SCNN1A: variants seen among roughly 807,000 people sequenced by gnomAD.
The protein encoded by SCNN1A is sodium channel epithelial 1 subunit alpha.
SCNN1A carries 65 observed loss-of-function variants against 68.6 expected under a neutral mutation model. The ratio of observed to expected loss-of-function variants is 0.95; its 90% CI spans 0.78 to 1.16. SCNN1A has a LOEUF of 1.16. Ranked by LOEUF, SCNN1A falls within the 50% of genes most tolerant of loss-of-function variation. The pLI, the probability that SCNN1A is intolerant of heterozygous loss-of-function variation, is 0.00. For synonymous variants in SCNN1A, 357 were observed against 353.3 expected, an observed-to-expected ratio of 1.01 and a Z score of -0.12; for missense variants, 880 against 865.9, an observed-to-expected ratio of 1.02 and a Z score of -0.20.
chr12:6,356,020 C>G (rs1948491285), intron 4 of SCNN1A, 140 bp from the exon 5 acceptor site: 8 of 743,860 alleles, frequency 1.1e-5, no homozygotes, highest in African/African-American at 6.8e-5. Context: ...TTCCTGATCA[C>G]CTACTATGTG....
At chr12:6,375,689 G>A (rs142967664), upstream of SCNN1A, 139 of 1,445,530 alleles carry the variant, frequency 9.6e-5, no homozygotes, top group East Asian at 3.4e-3. Context: ...TGGGAGTACT[G>A]GACCTGAGAA....
chr12:6,348,739 A>G lies in SCNN1A; in HGVS notation c.1617T>C (p.Ser539=), dbSNP rs1208141958. The change falls in exon 12 of 13, where the codon TCT becomes TCC. Residue 539 remains serine (S), a synonymous_variant. Coordinates refer to ENST00000228916, the MANE Select transcript of SCNN1A (RefSeq NM_001038.6). ...AGGCACGACCTACCGTGACAGAGGG[A>G]GACTCAGAATTGGTTTTGTAGTTCA... ...KELNYKTNSE[S]PSVTMVTLLS... 1 of 1,612,750 alleles carries G rather than the reference A, an allele frequency of 6.2e-7. No homozygotes were observed.
In SCNN1A at chr12:6,363,502, T is replaced by G. The variant is rs769902968; in HGVS notation, c.625A>C (p.Ser209Arg). 1.2e-6 allele frequency: 2 copies of G among 1,608,382 alleles called. No homozygotes were observed. The highest frequency in any genetic ancestry group is 2.2e-5 in the South Asian group (2 of 90,474). Residue 209 changes from serine (S) to arginine (R), a missense_variant, in exon 3 of 13, where the codon AGC becomes CGC. Physicochemically the swap from Ser to Arg is moderately radical, Grantham distance 110 (BLOSUM62 -1). This residue lies in a region of SCNN1A where 758 missense variants were observed against 721.8 expected (regional missense o/e 1.05). Coordinates refer to ENST00000228916, the MANE Select transcript of SCNN1A (RefSeq NM_001038.6). ...ACCTGGGGGTTGTTGTCCCGCAAGC[T>G]GGAGGCCACGCTACGGGCTCGACGG... ...GARRARSVAS[S>R]LRDNNPQVDW...
chr12:6,355,304 G>C lies in SCNN1A; in HGVS notation c.1111C>G (p.Pro371Ala), dbSNP rs929395353. ...ATGCTGATGGAGGTCTCCACGCCAG[G>C]CCGCAAGTTAAAGCCACCATCATCC... ...FMDDGGFNLR[P>A]GVETSISMRK... Residue 371 changes from proline to alanine, a missense_variant, in exon 6 of 13, where the codon CCT (proline) becomes GCT (alanine). By Grantham distance (27) the Pro-to-Ala change is conservative. Coordinates refer to ENST00000228916, the MANE Select transcript of SCNN1A (RefSeq NM_001038.6). The C allele has an allele frequency of 1.9e-6, 3 of 1,613,494 alleles. No individual in the cohort carries two copies. Among genetic ancestry groups the C allele is most frequent in the Non-Finnish European group, 2.5e-6 (3 of 1,179,814 alleles).
intron 4 of SCNN1A, among the ~76,000 whole-genome samples, chr12:6,360,211 G>A (rs1435022618): frequency 4.6e-5 from 7 of 152,216 alleles, no homozygotes; most frequent in African/African-American, 1.7e-4. Context: ...GCAAAAGAAC[G>A]CAGTAGGGTG....
Position 6,355,853 on chromosome 12 carries a change from C to T in SCNN1A, c.903G>A (p.Met301Ile), listed in dbSNP as rs750994375. The change falls in exon 5 of 13, where the codon ATG (methionine) becomes ATA (isoleucine). Residue 301 changes from methionine (M) to isoleucine (I), a missense_variant. By Grantham distance (10) the Met-to-Ile change is conservative. Transcript: ENST00000228916. ...QANYSHFHHP[M>I]YGNCYTFNDK... ...CATTGAAAGTATAGCAGTTTCCATA[C>T]ATCGGGTGGTGGAAGTGAGAGTAAT... 3 of 1,612,720 alleles carry T rather than the reference C, an allele frequency of 1.9e-6. No individual in the cohort carries two copies. Among genetic ancestry groups the T allele is most frequent in the Non-Finnish European group, 1.7e-6 (2 of 1,178,722 alleles).
In SCNN1A at chr12:6,347,964, G is replaced by C. The variant is rs1231728526; in HGVS notation, c.1919C>G (p.Pro640Arg). 1.3e-6 allele frequency: 2 copies of C among 1,565,754 alleles called. No homozygotes were observed. Among genetic ancestry groups the C allele is most frequent in the Non-Finnish European group, 1.7e-6 (2 of 1,150,894 alleles). Residue 640 changes from proline (P) to arginine (R), a missense_variant, in exon 13 of 13, where the codon CCT becomes CGT. By Grantham distance (103) the Pro-to-Arg change is moderately radical. Around this residue, in one of 3 missense-constraint regions of SCNN1A, gnomAD observed 758 missense variants for 721.8 expected, o/e 1.05. Transcript: ENST00000228916. ...GPAPSPALTA[P>R]PPAYATLGPR... ...GCCCAGGGTGGCATAGGCAGGGGGA[G>C]GGGCTGTCAAGGCTGGAGAGGGAGC...
chr12:6,367,386 G>A (rs974034929), intron 2 of SCNN1A, among the ~76,000 whole-genome samples: 1 of 152,230 alleles, frequency 6.6e-6, no homozygotes, highest in African/African-American at 2.4e-5. Flanking sequence ...CTTGAGCAAA[G>A]AACGATGCTC....
At chr12:6,354,369 T>G (rs1948455169) in intron 8 of SCNN1A, 69 bp downstream of exon 8, 1 of 988,364 alleles carries the variant, frequency 1.0e-6, no homozygotes, top group Non-Finnish European at 1.6e-6. Flanking sequence ...AACAGGGGAC[T>G]GAGAGGAAAA....
upstream of SCNN1A, chr12:6,376,170 C>T (rs962174716): frequency 5.9e-5 from 58 of 985,684 alleles, no homozygotes; most frequent in Non-Finnish European, 6.7e-5. Flanking sequence ...GTCTCCTCCC[C>T]GCTCACTAAG....
chr12:6,354,728 A>G lies in SCNN1A; in HGVS notation c.1242+22T>C, dbSNP rs751555996. On this transcript the variant is annotated intron_variant, in intron 7 of 12. Coordinates refer to ENST00000228916, the MANE Select transcript of SCNN1A (RefSeq NM_001038.6). ...AGGGCAGTGGCTGGGAGTGGCTGCCACGGAATCAGGTTGGGCCTCACCTGC... is the reference window on the plus strand; with the variant it reads ...AGGGCAGTGGCTGGGAGTGGCTGCCGCGGAATCAGGTTGGGCCTCACCTGC... 4.4e-6 allele frequency: 7 copies of G among 1,601,496 alleles called. No individual in the cohort carries two copies. The East Asian group carries it at 1.6e-4, about 36-fold the overall frequency.
Position 6,362,051 on chromosome 12 carries a change from G to A in SCNN1A, c.875C>T (p.Ala292Val), listed in dbSNP as rs778088118. 9 of 1,614,164 alleles carry A rather than the reference G, an allele frequency of 5.6e-6. No individual in the cohort carries two copies. In the East Asian group the frequency reaches 6.7e-5, roughly 12 times the overall value. ...AAGGAGCCAGGCAGGACTGACTCACGCCTGGTTGCAGGAGACCTGGTTGAA... is the reference window on the plus strand; with the variant it reads ...AAGGAGCCAGGCAGGACTGACTCACACCTGGTTGCAGGAGACCTGGTTGAA... ...CRFNQVSCNQ[A>V]NYSHFHHPMY... The change falls in exon 4 of 13, where the codon GCG becomes GTG. Residue 292 changes from alanine (A) to valine (V), a missense_variant and splice_region_variant. By Grantham distance (64) the Ala-to-Val change is moderately conservative (BLOSUM62 0). Coordinates refer to ENST00000228916, the MANE Select transcript of SCNN1A (RefSeq NM_001038.6).
intron 12 of SCNN1A, 40 bp downstream of exon 12, chr12:6,348,687 A>G: frequency 6.5e-7 from 1 of 1,541,706 alleles, no homozygotes; most frequent in Non-Finnish European, 9.0e-7. Context: ...GCTAAGTAAG[A>G]CCCCCAGAGC....
chr12:6,350,004 G>A, intron 8 of SCNN1A: 1 of 193,540 alleles, frequency 5.2e-6, no homozygotes, highest in East Asian at 1.8e-4. Context: ...GGGATTACAG[G>A]TGTGAGCGAC....
At chr12:6,362,549 T>C (rs988117731) in intron 3 of SCNN1A, among the ~76,000 whole-genome samples, 6 of 152,122 alleles carry the variant, frequency 3.9e-5, no homozygotes, top group Admixed American at 2.0e-4. Flanking sequence ...ATTTCACTGA[T>C]GGGAAGACTG....
chr12:6,352,106 A>G (rs944743811), intron 8 of SCNN1A, among the ~76,000 whole-genome samples: 1 of 152,216 alleles, frequency 6.6e-6, no homozygotes, highest in Non-Finnish European at 1.5e-5. Context: ...AACTGATTAT[A>G]TGATGATTGC....
rs1026954651 is a variant in SCNN1A, at chr12:6,348,580, C to G, written c.1629+147G>C. ...GAGCTCCTTCTTCCAACCCTCCCAA[C>G]CTCTCCCTTGACCCTCTTCTTTGGT... On this transcript the variant is annotated intron_variant, in intron 12 of 12. Transcript: ENST00000228916. The G allele has an allele frequency of 7.9e-6, 6 of 755,338 alleles. No homozygotes were observed. In the African/African-American group the frequency reaches 1.1e-4, roughly 14 times the overall value. The allele number at this position is 755,338 out of a possible 1,614,324, so 46.8% of individuals were successfully genotyped here.
At position 6,356,346 on chromosome 12, in the gene SCNN1A, C is replaced by T. The variant is rs114890036; in HGVS notation, c.876-466G>A. 5.2e-3 allele frequency: 1,172 copies of T among 223,968 alleles called. 19 individuals are homozygous for T. Among genetic ancestry groups the T allele is most frequent in the African/African-American group, 0.025 (1,107 of 44,558 alleles). 13.9% of individuals were successfully genotyped at this position (223,968 alleles called of 1,614,324 possible). On this transcript the variant is annotated intron_variant, in intron 4 of 12. Transcript: ENST00000228916. The stretch of plus-strand genomic sequence containing the variant: ...AGCTCCTTGATGACAGGAGCCACAT[C>T]TCATTCATCTCTGTGTCATCTCTGG...
Position 6,349,241 on chromosome 12 carries a change from C to T in SCNN1A, c.1440-20G>A, listed in dbSNP as rs1213282712. The stretch of plus-strand genomic sequence containing the variant: ...GTCACGCTGGGGATGGAGAAAGGTG[C>T]TCAGTGTTGGGGCAGAGCTCTCCCA... On this transcript the variant is annotated intron_variant, in intron 9 of 12. Coordinates refer to ENST00000228916, the MANE Select transcript of SCNN1A (RefSeq NM_001038.6). 1 of 1,614,062 alleles carries T rather than the reference C, an allele frequency of 6.2e-7. No homozygotes were observed. The highest frequency in any genetic ancestry group is 1.1e-5 in the South Asian group (1 of 91,080).
Sources: gnomAD v4.1 joint callset for allele counts (sites outside exome capture counted in the v4.1 genomes callset) on GRCh38, gnomAD v4.1.1 for gene constraint, gnomAD v4.1.1 regional missense constraint, MANE v1.5 for transcripts, NCBI Gene and HGNC (gene_info 2026-07-23, HGNC 2026-07-21) for gene names.